ZRANB3: variants seen among roughly 807,000 people sequenced by gnomAD.
The protein encoded by ZRANB3 is DNA annealing helicase and endonuclease ZRANB3.
Under a neutral mutation model 133.8 loss-of-function variants are expected in ZRANB3, and 125 were observed. The ratio of observed to expected loss-of-function variants is 0.93; its 90% CI spans 0.81 to 1.08. The LOEUF is 1.08. Ranked by LOEUF, ZRANB3 falls within the 50% of genes least tolerant of loss-of-function variation. The pLI, the probability that ZRANB3 is intolerant of heterozygous loss-of-function variation, is 0.00. For synonymous variants in ZRANB3, 387 were observed against 432.7 expected (o/e 0.89, Z 1.31); for missense variants, 1,229 against 1,275.5 (o/e 0.96, Z 0.56).
intron 1 of ZRANB3, among the ~76,000 whole-genome samples, chr2:135,527,401 A>C (rs1694207287): frequency 6.6e-6 from 1 of 152,092 alleles, no homozygotes. Context: ...TCTATTAAAA[A>C]TACAAAAGTT....
intron 9 of ZRANB3, among the ~76,000 whole-genome samples, chr2:135,274,432 C>T (rs1439140419): frequency 6.6e-6 from 1 of 152,140 alleles, no homozygotes; most frequent in East Asian, 1.9e-4. Flanking sequence ...CAAGTTCATT[C>T]TTTCTTTCCT....
At chr2:135,387,273 G>A (rs958685876) in intron 3 of ZRANB3, among the ~76,000 whole-genome samples, 10 of 152,112 alleles carry the variant, frequency 6.6e-5, no homozygotes, top group South Asian at 6.2e-4. Context: ...ATCAAAAAGT[G>A]GTTGACCTTT....
intron 17 of ZRANB3, among the ~76,000 whole-genome samples, chr2:135,210,091 T>C (rs1442986305): frequency 1.3e-5 from 2 of 152,162 alleles, no homozygotes; most frequent in East Asian, 3.8e-4. Context: ...TTTTATTTTA[T>C]TTTGACTCAA....
intron 2 of ZRANB3, among the ~76,000 whole-genome samples, chr2:135,464,596 G>C (rs1690903032): frequency 6.6e-6 from 1 of 152,208 alleles, no homozygotes; most frequent in South Asian, 2.1e-4. Context: ...AGAAGCAGCT[G>C]TCCCCCTGAG....
chr2:135,480,054 C>T (rs1426775987), intron 2 of ZRANB3, among the ~76,000 whole-genome samples: 2 of 151,880 alleles, frequency 1.3e-5, no homozygotes, highest in Non-Finnish European at 2.9e-5. Flanking sequence ...CTGGCTCAGC[C>T]TCCAAGGTAG....
At chr2:135,335,009 T>C (rs1209173938) in intron 6 of ZRANB3, among the ~76,000 whole-genome samples, 1 of 152,196 alleles carries the variant, frequency 6.6e-6, no homozygotes, top group African/African-American at 2.4e-5. Flanking sequence ...GCCATGTGGT[T>C]TGCTGTACCT....
intron 2 of ZRANB3, among the ~76,000 whole-genome samples, chr2:135,401,426 G>A (rs1477334772): frequency 3.3e-5 from 5 of 152,122 alleles, no homozygotes; most frequent in Non-Finnish European, 5.9e-5. Context: ...AGTTGTGGTA[G>A]AGCTTGCTGT....
intron 1 of ZRANB3, among the ~76,000 whole-genome samples, chr2:135,506,215 A>C (rs1384196736): frequency 6.6e-6 from 1 of 152,060 alleles, no homozygotes; most frequent in Admixed American, 6.6e-5. Flanking sequence ...ACGTGGCGAA[A>C]CACTGTCCTA....
chr2:135,273,206 A>AT (rs570344091), intron 9 of ZRANB3, among the ~76,000 whole-genome samples: 203 of 150,294 alleles, frequency 1.4e-3, no homozygotes, highest in Non-Finnish European at 1.5e-3. Flanking sequence ...GAAAAAAAAA[A>AT]GAAAAAAAGA....
chr2:135,493,299 A>G (rs1692500243), intron 2 of ZRANB3, among the ~76,000 whole-genome samples: 1 of 150,334 alleles, frequency 6.7e-6, no homozygotes, highest in South Asian at 2.1e-4. Flanking sequence ...TGATGAAGTT[A>G]ATTTTATTAA....
chr2:135,427,520 T>C (rs1255674293), intron 2 of ZRANB3, among the ~76,000 whole-genome samples: 1 of 152,058 alleles, frequency 6.6e-6, no homozygotes, highest in Non-Finnish European at 1.5e-5. Flanking sequence ...GTGAAAGATC[T>C]CAACAACAAG....
intron 2 of ZRANB3, among the ~76,000 whole-genome samples, chr2:135,441,557 TTTC>T (rs1196409379): frequency 6.6e-6 from 1 of 151,996 alleles, no homozygotes; most frequent in Non-Finnish European, 1.5e-5. Flanking sequence ...TACACATATT[TTTC>T]TTTTTTCTCT....
At chr2:135,205,936 A>G (rs1232855769) in intron 19 of ZRANB3, among the ~76,000 whole-genome samples, 1 of 152,166 alleles carries the variant, frequency 6.6e-6, no homozygotes, top group African/African-American at 2.4e-5. Context: ...CTCTTGATAT[A>G]CTGCACCACC....
intron 1 of ZRANB3, among the ~76,000 whole-genome samples, chr2:135,519,112 T>A (rs1488080368): frequency 6.6e-6 from 1 of 152,050 alleles, no homozygotes; most frequent in Non-Finnish European, 1.5e-5. Context: ...GATTAGTGGT[T>A]AGGTTGGGGT....
chr2:135,311,187 A>G (rs1179210428), intron 8 of ZRANB3, among the ~76,000 whole-genome samples: 1 of 152,188 alleles, frequency 6.6e-6, no homozygotes, highest in East Asian at 1.9e-4. Flanking sequence ...AAAGAAAATG[A>G]ATAGACAAAA....
At chr2:135,486,907 C>T (rs1692149259) in intron 2 of ZRANB3, among the ~76,000 whole-genome samples, 1 of 152,198 alleles carries the variant, frequency 6.6e-6, no homozygotes, top group Non-Finnish European at 1.5e-5. Flanking sequence ...TAACCTCCTC[C>T]CATGAATCAT....
intron 12 of ZRANB3, among the ~76,000 whole-genome samples, chr2:135,253,480 G>A (rs72982322): frequency 0.062 from 9,361 of 152,142 alleles, 572 homozygotes; most frequent in African/African-American, 0.16. Context: ...GACACACTCC[G>A]AGAAATGTAT....
intron 8 of ZRANB3, among the ~76,000 whole-genome samples, chr2:135,287,447 T>C (rs1166311752): frequency 6.6e-6 from 1 of 152,212 alleles, no homozygotes; most frequent in Non-Finnish European, 1.5e-5. Context: ...TTTTTTCTAC[T>C]TCTGTGAAGA....
intron 12 of ZRANB3, among the ~76,000 whole-genome samples, chr2:135,245,926 CAAAAAAAAAAA>C (rs1177438717): frequency 5.1e-5 from 1 of 19,552 alleles, no homozygotes; most frequent in African/African-American, 2.9e-4. Flanking sequence ...AACTCCGTCT[CAAAAAAAAAAA>C]AAAAAAAAAA....
Sources: allele counts gnomAD v4.1 joint callset (sites outside exome capture counted in the v4.1 genomes callset), GRCh38; gene constraint gnomAD v4.1.1; transcripts MANE v1.5; gene names NCBI Gene and HGNC (gene_info 2026-07-23, HGNC 2026-07-21).